The following STIM1 variants were observed in gnomAD, a reference collection of about 807,000 sequenced individuals.
STIM1 encodes the protein stromal interaction molecule 1.
A neutral mutation model predicts 74.7 loss-of-function variants in STIM1; 25 were observed. That is an observed-to-expected ratio of 0.33 (90% CI 0.24 to 0.47). The LOEUF is 0.47. STIM1 is among the 20% of genes least tolerant of loss of function. The pLI is 1.00. For synonymous variants in STIM1, 328 were observed against 348.8 expected, an observed-to-expected ratio of 0.94 and a Z score of 0.66; for missense variants, 728 against 920.8, an observed-to-expected ratio of 0.79 and a Z score of 2.71.
chr11:3,931,372 A>C (rs1590576407), intron 1 of STIM1, among the ~76,000 whole-genome samples: 1 of 152,314 alleles, frequency 6.6e-6, no homozygotes, highest in East Asian at 1.9e-4. Context: ...GAACATAAAA[A>C]ACAATAAGAC....
chr11:4,074,601 C>T lies in STIM1; in HGVS notation c.891C>T (p.Ala297=). 6.2e-7 allele frequency: 1 copy of T among 1,612,668 alleles called. No individual in the cohort carries two copies. Among genetic ancestry groups the T allele is most frequent in the Non-Finnish European group, 8.5e-7 (1 of 1,179,398 alleles). The part of the protein sequence containing the change: ...RDEINLAKQE[A]QRLKELREGT... ...AGATCAACCTTGCTAAGCAGGAAGC[C>T]CAGCGGCTGAAGGAGCTGCGGGAGG... Residue 297 remains alanine (A), a synonymous_variant, in exon 7 of 13, where the codon GCC becomes GCT. Transcript: ENST00000526596.
intron 1 of STIM1, among the ~76,000 whole-genome samples, chr11:3,910,301 C>T (rs1319546204): frequency 6.6e-6 from 1 of 152,206 alleles, no homozygotes; most frequent in African/African-American, 2.4e-5. Context: ...AAGAGTATGG[C>T]AGTTTAGGGA....
chr11:4,009,043 G>A (rs910305894), intron 2 of STIM1, among the ~76,000 whole-genome samples: 2 of 152,196 alleles, frequency 1.3e-5, no homozygotes, highest in African/African-American at 4.8e-5. Context: ...TGTAATCCCA[G>A]CACTTTGGGA....
intron 2 of STIM1, among the ~76,000 whole-genome samples, chr11:3,988,284 T>G (rs1277649198): frequency 6.6e-6 from 1 of 152,194 alleles, no homozygotes; most frequent in African/African-American, 2.4e-5. Context: ...TTATTATATC[T>G]AGTCCAGGGA....
intron 11 of STIM1, 186 bp from the exon 12 acceptor site, chr11:4,086,291 T>C (rs759940911): frequency 1.2e-4 from 77 of 647,770 alleles, no homozygotes; most frequent in Non-Finnish European, 1.3e-4. Context: ...CCTGGGCACT[T>C]CATCTTCAAT....
chr11:4,055,728 G>A (rs186747719), intron 4 of STIM1, 91 bp downstream of exon 4: 1 of 949,126 alleles, frequency 1.1e-6, no homozygotes, highest in East Asian at 2.7e-5. Flanking sequence ...AGTTAAGTGA[G>A]GTTCTGCCTT....
intron 1 of STIM1, among the ~76,000 whole-genome samples, chr11:3,925,373 G>A (rs1356761181): frequency 6.6e-6 from 1 of 152,184 alleles, no homozygotes; most frequent in Non-Finnish European, 1.5e-5. Flanking sequence ...CCAGCCTGGC[G>A]ACAGAGTGAG....
At chr11:4,069,920 A>C in intron 5 of STIM1, 106 bp from the exon 6 acceptor site, 1 of 1,202,364 alleles carries the variant, frequency 8.3e-7, no homozygotes. Flanking sequence ...TCAGTGGGAG[A>C]GTGTGTCTGT....
chr11:4,086,752 C>A, intron 12 of STIM1: 2 of 1,537,376 alleles, frequency 1.3e-6, no homozygotes, highest in Non-Finnish European at 1.7e-6. Context: ...CCATGTCCAC[C>A]CTGTTTATTA....
intron 4 of STIM1, chr11:4,058,895 C>G: frequency 9.2e-7 from 1 of 1,087,298 alleles, no homozygotes; most frequent in East Asian, 6.7e-5. Flanking sequence ...GGTCATATGA[C>G]ATGACAGTTT....
At position 4,083,382 on chromosome 11, in the gene STIM1, C is replaced by T. The variant is rs1367567586; in HGVS notation, c.1358C>T (p.Ala453Val). The T allele has an allele frequency of 6.2e-7, 1 of 1,614,258 alleles. No homozygotes were observed. Among genetic ancestry groups the T allele is most frequent in the Admixed American group, 1.7e-5 (1 of 60,034 alleles). ...NNPGIHSLVA[A>V]LNIDPSWMGS... ...CCTGGCATCCACTCACTGGTGGCTG[C>T]CCTCAACATAGACCCCAGCTGGATG... The change falls in exon 10 of 13, where the codon GCC (alanine) becomes GTC (valine). Residue 453 changes from alanine (A) to valine (V), a missense_variant. Physicochemically the swap from Ala to Val is moderately conservative, Grantham distance 64. Around this residue, in one of 5 missense-constraint regions of STIM1, gnomAD observed 352 missense variants for 370.1 expected, o/e 0.95. Coordinates refer to ENST00000526596, the MANE Select transcript of STIM1 (RefSeq NM_001382567.1).
intron 1 of STIM1, among the ~76,000 whole-genome samples, chr11:3,885,578 G>T (rs970926923): frequency 1.3e-5 from 2 of 151,916 alleles, no homozygotes; most frequent in African/African-American, 4.8e-5. Flanking sequence ...TCTTCTCCCG[G>T]TACTTCAGCT....
chr11:4,070,352 A>G, intron 6 of STIM1, 149 bp downstream of exon 6: 1 of 889,004 alleles, frequency 1.1e-6, no homozygotes, highest in South Asian at 1.4e-5. Context: ...TTGCAAGTTT[A>G]GGTTGCTGAT....
intron 5 of STIM1, among the ~76,000 whole-genome samples, chr11:4,060,134 TGAGA>T (rs1413757166): frequency 1.3e-5 from 2 of 152,210 alleles, no homozygotes; most frequent in African/African-American, 4.8e-5. Flanking sequence ...AGGGTCTAGT[TGAGA>T]GAATTAGGTT....
At chr11:4,029,946 A>G (rs531755369) in intron 3 of STIM1, among the ~76,000 whole-genome samples, 234 of 152,304 alleles carry the variant, frequency 1.5e-3, no homozygotes, top group Non-Finnish European at 2.6e-3. Flanking sequence ...TTTGTTATAC[A>G]TGCTTTTGCT....
chr11:3,960,198 T>C (rs2093270762), intron 1 of STIM1, among the ~76,000 whole-genome samples: 1 of 152,198 alleles, frequency 6.6e-6, no homozygotes, highest in South Asian at 2.1e-4. Flanking sequence ...AAAGAATACT[T>C]GATAGATAAC....
chr11:4,010,496 G>T (rs2093825412), intron 2 of STIM1, among the ~76,000 whole-genome samples: 1 of 152,064 alleles, frequency 6.6e-6, no homozygotes, highest in Non-Finnish European at 1.5e-5. Context: ...TTAAATTTAG[G>T]TTCAACTTTT....
intron 1 of STIM1, among the ~76,000 whole-genome samples, chr11:3,858,251 T>TG (rs998005901): frequency 1.0e-4 from 14 of 139,004 alleles, no homozygotes; most frequent in South Asian, 2.6e-4. Context: ...TTTTTTGTTT[T>TG]TTGTTTTTCG....
chr11:3,976,400 A>G (rs2093448954), intron 2 of STIM1, among the ~76,000 whole-genome samples: 2 of 152,166 alleles, frequency 1.3e-5, no homozygotes. Flanking sequence ...GGTTTTGACT[A>G]CAAGGGGAAA....
Sources: gnomAD v4.1 joint callset for allele counts (sites outside exome capture counted in the v4.1 genomes callset) on GRCh38, gnomAD v4.1.1 for gene constraint, gnomAD v4.1.1 regional missense constraint, MANE v1.5 for transcripts, NCBI Gene and HGNC (gene_info 2026-07-23, HGNC 2026-07-21) for gene names.